The following HEATR5A variants were observed in gnomAD, a reference collection of about 807,000 sequenced individuals.
HEATR5A encodes HEAT repeat containing 5A.
A neutral mutation model predicts 218.8 loss-of-function variants in HEATR5A; 178 were observed. The ratio of observed to expected loss-of-function variants is 0.81; its 90% CI spans 0.72 to 0.92. HEATR5A has a LOEUF of 0.92. Among genes scored for constraint, HEATR5A ranks in the 40% least tolerant of loss-of-function variants. HEATR5A has a pLI of 0.00. For synonymous variants in HEATR5A, 864 were observed against 871.6 expected, an observed-to-expected ratio of 0.99 and a Z score of 0.15; for missense variants, 2,420 against 2,418.9, an observed-to-expected ratio of 1.00 and a Z score of -0.01.
rs1899896980 is a variant in HEATR5A, at chr14:31,315,904, C to A, written c.4084G>T (p.Asp1362Tyr). Residue 1362 changes from aspartate (D) to tyrosine (Y), a missense_variant, in exon 27 of 36, where the codon GAT becomes TAT. Coordinates refer to ENST00000543095, the MANE Select transcript of HEATR5A (RefSeq NM_015473.4). ...AGCAACTGATGAACTCTTCGGAGAT[C>A]ATTAAGGTCACTTACAACTCCACTT... is the stretch of plus-strand genomic sequence containing the variant. The part of the protein sequence containing the change: ...IASGVVSDLN[D>Y]LRRVHQLLVS... The A allele has an allele frequency of 6.3e-7, 1 of 1,580,134 alleles. No homozygotes were observed. The highest frequency in any genetic ancestry group is 2.3e-5 in the East Asian group (1 of 43,662).
chr14:31,402,558 A>AT (rs1206420967), intron 2 of HEATR5A, among the ~76,000 whole-genome samples: 2 of 152,254 alleles, frequency 1.3e-5, no homozygotes, highest in Non-Finnish European at 2.9e-5. Context: ...GATGCAGACC[A>AT]TAACAAAAAC....
chr14:31,369,407 G>C (rs1901933825), intron 13 of HEATR5A, among the ~76,000 whole-genome samples: 1 of 152,008 alleles, frequency 6.6e-6, no homozygotes, highest in African/African-American at 2.4e-5. Flanking sequence ...GAGGCCTGAA[G>C]TTCAAAACCA....
At chr14:31,336,886 G>C (rs2041727649) in intron 22 of HEATR5A, among the ~76,000 whole-genome samples, 1 of 152,156 alleles carries the variant, frequency 6.6e-6, no homozygotes, top group Admixed American at 6.6e-5. Flanking sequence ...GAACATCATA[G>C]AGTGTACTTA....
At chr14:31,391,588 T>C (rs2030455900) in intron 6 of HEATR5A, among the ~76,000 whole-genome samples, 1 of 152,204 alleles carries the variant, frequency 6.6e-6, no homozygotes, top group African/African-American at 2.4e-5. Flanking sequence ...AAGTGTACAG[T>C]GTTTGTAACA....
intron 27 of HEATR5A, among the ~76,000 whole-genome samples, chr14:31,314,823 T>A (rs1220928319): frequency 6.6e-6 from 1 of 152,202 alleles, no homozygotes; most frequent in African/African-American, 2.4e-5. Flanking sequence ...AACCCTTTTG[T>A]ACATGTTGGT....
Position 31,343,882 on chromosome 14 carries a change from A to T in HEATR5A, c.3228+14T>A. The T allele has an allele frequency of 6.5e-7, 1 of 1,550,038 alleles. No homozygotes were observed. Among genetic ancestry groups the T allele is most frequent in the Non-Finnish European group, 8.7e-7 (1 of 1,150,936 alleles). ...TAAAAGAAACTAAGAGCTCGTTTAC[A>T]ATTCTATACTCACACAGAGGCAGCT... On this transcript the variant is annotated intron_variant, in intron 21 of 35. Coordinates refer to ENST00000543095, the MANE Select transcript of HEATR5A (RefSeq NM_015473.4).
chr14:31,316,607 T>A (rs1419530343), intron 26 of HEATR5A, among the ~76,000 whole-genome samples: 1 of 152,194 alleles, frequency 6.6e-6, no homozygotes, highest in Non-Finnish European at 1.5e-5. Context: ...TTGAAGACAG[T>A]GTAATTTTAA....
At position 31,383,603 on chromosome 14, in the gene HEATR5A, A is replaced by T; in HGVS notation, c.1514T>A (p.Val505Glu). 1 of 1,613,658 alleles carries T rather than the reference A, an allele frequency of 6.2e-7. No individual in the cohort carries two copies. The highest frequency in any genetic ancestry group is 1.3e-5 in the African/African-American group (1 of 75,044). The change falls in exon 10 of 36, where the codon GTG becomes GAG. Residue 505 changes from valine to glutamate, a missense_variant. Transcript: ENST00000543095. ...TGCTACAGCAAAACTGAAGCCAGTC[A>T]CTGCTTCAGGTGAAGACTTATGTCC... Reference protein sequence around the residue: ...LTGHKSSPEAVTGFSFAVAAL... With the variant: ...LTGHKSSPEAETGFSFAVAAL...
intron 33 of HEATR5A, among the ~76,000 whole-genome samples, chr14:31,298,033 T>C (rs1315790130): frequency 1.3e-5 from 2 of 152,200 alleles, no homozygotes; most frequent in Non-Finnish European, 2.9e-5. Context: ...CCATTTCTTC[T>C]AAAATATCTT....
intron 31 of HEATR5A, 89 bp from the exon 32 acceptor site, chr14:31,305,266 G>GT: frequency 7.3e-7 from 1 of 1,374,226 alleles, no homozygotes; most frequent in Non-Finnish European, 1.0e-6. Flanking sequence ...GGAAATACAT[G>GT]TATTTTATTT....
chr14:31,359,748 A>AAAAAAG, intron 14 of HEATR5A, among the ~76,000 whole-genome samples: 1 of 151,280 alleles, frequency 6.6e-6, no homozygotes, highest in African/African-American at 2.4e-5. Context: ...AAAAAAAAAA[A>AAAAAAG]AAAAAGAATT....
intron 22 of HEATR5A, among the ~76,000 whole-genome samples, chr14:31,327,532 C>T (rs1199709510): frequency 3.3e-5 from 5 of 151,682 alleles, no homozygotes; most frequent in Non-Finnish European, 7.4e-5. Flanking sequence ...CTTAGGTGAT[C>T]CACATGCCTA....
intron 21 of HEATR5A, among the ~76,000 whole-genome samples, chr14:31,341,155 TTGTG>T (rs1900825751): frequency 6.6e-6 from 1 of 152,176 alleles, no homozygotes; most frequent in African/African-American, 2.4e-5. Context: ...TTGACTATGA[TTGTG>T]TATTAAAAAA....
chr14:31,315,371 A>G (rs1283341156), intron 27 of HEATR5A, among the ~76,000 whole-genome samples: 2 of 152,234 alleles, frequency 1.3e-5, no homozygotes, highest in Non-Finnish European at 2.9e-5. Flanking sequence ...AGATTTCTTT[A>G]TCCTTGGAAA....
chr14:31,370,273 A>T (rs772452539), intron 13 of HEATR5A, among the ~76,000 whole-genome samples: 9 of 152,144 alleles, frequency 5.9e-5, no homozygotes, highest in Non-Finnish European at 1.2e-4. Flanking sequence ...CAAAAAGACA[A>T]CCTAAAAGAA....
intron 3 of HEATR5A, among the ~76,000 whole-genome samples, chr14:31,399,160 T>C (rs1466516282): frequency 6.6e-6 from 1 of 152,244 alleles, no homozygotes; most frequent in Non-Finnish European, 1.5e-5. Context: ...CATACAGTTA[T>C]ACTGGCATCA....
In HEATR5A at chr14:31,375,600, G is replaced by A. The variant is rs981214198; in HGVS notation, c.1709-632C>T. Among the ~76,000 whole-genome samples the A allele has an allele frequency of 3.3e-5, 5 of 151,968 alleles. 1 individual carries two copies. Among genetic ancestry groups the A allele is most frequent in the Middle Eastern group, 6.8e-3 (2 of 294 alleles). On this transcript the variant is annotated intron_variant, in intron 11 of 35. Coordinates refer to ENST00000543095, the MANE Select transcript of HEATR5A (RefSeq NM_015473.4). ...TATTTTTTGGTAGAGATGGGGTCTC[G>A]CCATGTTTCCCAGGCAGGTCTGAAC...
At chr14:31,397,824 T>C (rs1452887236) in intron 4 of HEATR5A, among the ~76,000 whole-genome samples, 1 of 152,104 alleles carries the variant, frequency 6.6e-6, no homozygotes, top group East Asian at 1.9e-4. Flanking sequence ...ATACCCCAAC[T>C]AATTTATGTT....
At chr14:31,331,832 C>T (rs565906290) in intron 22 of HEATR5A, among the ~76,000 whole-genome samples, 18 of 152,152 alleles carry the variant, frequency 1.2e-4, no homozygotes, top group Non-Finnish European at 2.5e-4. Flanking sequence ...ATGAAACCAT[C>T]AGATCTCATG....
Sources: gnomAD v4.1 joint callset for allele counts (sites outside exome capture counted in the v4.1 genomes callset) on GRCh38, gnomAD v4.1.1 for gene constraint, MANE v1.5 for transcripts, NCBI Gene and HGNC (gene_info 2026-07-23, HGNC 2026-07-21) for gene names.